Variants in GALK2 observed in about 807,000 individuals in gnomAD.
GALK2 encodes the protein galactokinase 2, also known as N-acetylgalactosamine kinase.
In GALK2, 36 loss-of-function variants were observed where a neutral mutation model predicts 52.4. That is an observed-to-expected ratio of 0.69 (90% confidence interval 0.53 to 0.91). GALK2 has a LOEUF of 0.91. GALK2 is among the 40% of genes least tolerant of loss of function. The probability of loss-of-function intolerance (pLI) is 0.00; values close to 1 mark genes in which losing one functional copy is unlikely to be tolerated. For synonymous variants in GALK2, 176 were observed against 199.1 expected (o/e 0.88, Z 0.98); for missense variants, 579 against 559.1 (o/e 1.04, Z -0.36).
chr15:49,182,164 G>A (rs2086023484), intron 1 of GALK2, among the ~76,000 whole-genome samples: 1 of 151,928 alleles, frequency 6.6e-6, no homozygotes, highest in Admixed American at 6.6e-5. Flanking sequence ...CGCAACCTCT[G>A]GTAACCATCA....
intron 1 of GALK2, among the ~76,000 whole-genome samples, chr15:49,192,345 A>G (rs1485032283): frequency 6.6e-6 from 1 of 151,720 alleles, no homozygotes; most frequent in Non-Finnish European, 1.5e-5. Context: ...TAGAAATGAT[A>G]TTCTTTTAAA....
At chr15:49,338,825 C>A (rs1046757815) in intron 3 of GALK2, among the ~76,000 whole-genome samples, 20 of 152,110 alleles carry the variant, frequency 1.3e-4, no homozygotes, top group African/African-American at 4.8e-4. Context: ...TTGTTCGTTT[C>A]TTTTCATTCT....
At chr15:49,203,617 G>A (rs2087982957) in intron 2 of GALK2, among the ~76,000 whole-genome samples, 1 of 152,094 alleles carries the variant, frequency 6.6e-6, no homozygotes, top group Non-Finnish European at 1.5e-5. Flanking sequence ...ATGTCTTGAA[G>A]TGTTTCCTTT....
chr15:49,226,894 G>A (rs2090164060), intron 3 of GALK2, among the ~76,000 whole-genome samples: 1 of 152,116 alleles, frequency 6.6e-6, no homozygotes, highest in African/African-American at 2.4e-5. Flanking sequence ...AGTATCACAA[G>A]TTCCTCTTTT....
intron 3 of GALK2, among the ~76,000 whole-genome samples, chr15:49,230,748 A>G (rs2090455921): frequency 6.6e-6 from 1 of 152,248 alleles, no homozygotes; most frequent in Non-Finnish European, 1.5e-5. Context: ...TCTTTGAAGA[A>G]CAAGTAAATG....
chr15:49,321,043 A>G (rs1377621703), intron 9 of GALK2, among the ~76,000 whole-genome samples: 1 of 152,194 alleles, frequency 6.6e-6, no homozygotes, highest in Non-Finnish European at 1.5e-5. Flanking sequence ...TGGAGCTTAC[A>G]TTCTCGTGGG....
intron 1 of GALK2, among the ~76,000 whole-genome samples, chr15:49,164,780 CAAAAAAAAAAAAA>C (rs36107125): frequency 4.6e-5 from 3 of 65,182 alleles, no homozygotes; most frequent in Non-Finnish European, 8.6e-5. Context: ...AACTCCGTCT[CAAAAAAAAAAAAA>C]AAAAAAAAAA....
intron 9 of GALK2, among the ~76,000 whole-genome samples, chr15:49,322,632 A>G (rs1489729158): frequency 6.6e-6 from 1 of 152,130 alleles, no homozygotes; most frequent in African/African-American, 2.4e-5. Context: ...GTACCGTGTG[A>G]AATTGCAGTC....
chr15:49,328,463 T>C lies in GALK2; in HGVS notation c.*304T>C. ...GATGAATGGTAAAACACACTCTTAA[T>C]ACTGATTACATGGATTGGACTTGAA... On this transcript the variant is annotated 3_prime_UTR_variant, in exon 10 of 10. Transcript: ENST00000560031. 2 of 1,518,774 alleles carry C rather than the reference T, an allele frequency of 1.3e-6. No individual in the cohort carries two copies. The highest frequency in any genetic ancestry group is 1.8e-4 in the Middle Eastern group (1 of 5,614). The allele number at this position is 1,518,774 out of a possible 1,614,324, so 94.1% of individuals were successfully genotyped here.
At chr15:49,174,750 T>C (rs955619764) in intron 1 of GALK2, among the ~76,000 whole-genome samples, 1 of 152,156 alleles carries the variant, frequency 6.6e-6, no homozygotes, top group African/African-American at 2.4e-5. Context: ...ATATAGTTTC[T>C]AGTTTAACTT....
intron 9 of GALK2, among the ~76,000 whole-genome samples, chr15:49,325,534 A>G (rs956911171): frequency 1.3e-5 from 2 of 152,352 alleles, no homozygotes; most frequent in Non-Finnish European, 1.5e-5. Context: ...CAGAATTTCT[A>G]TGGCATATGC....
intron 3 of GALK2, chr15:49,235,628 A>G: frequency 3.0e-6 from 2 of 676,782 alleles, no homozygotes; most frequent in Non-Finnish European, 5.4e-6. Context: ...GTTTCAGGAA[A>G]TAAAAAGGGT....
chr15:49,365,896 G>T, intron 3 of GALK2: 1 of 960,072 alleles, frequency 1.0e-6, no homozygotes, highest in Non-Finnish European at 1.7e-6. Flanking sequence ...TGCAGCAAGA[G>T]AGTTGTACAG....
chr15:49,216,441 G>A (rs2089379781), intron 2 of GALK2, among the ~76,000 whole-genome samples: 1 of 152,164 alleles, frequency 6.6e-6, no homozygotes, highest in South Asian at 2.1e-4. Flanking sequence ...TTAAGCTAAA[G>A]GAATCTCTCC....
At chr15:49,238,026 G>T (rs2090918024) in intron 4 of GALK2, among the ~76,000 whole-genome samples, 1 of 152,292 alleles carries the variant, frequency 6.6e-6, no homozygotes, top group East Asian at 1.9e-4. Flanking sequence ...AATTTTGCTA[G>T]CTAGGACAGA....
chr15:49,362,468 G>A (rs1164170903), intron 3 of GALK2, among the ~76,000 whole-genome samples: 2 of 151,974 alleles, frequency 1.3e-5, no homozygotes, highest in Admixed American at 6.6e-5. Context: ...GGTTCAGGTA[G>A]TTCTTTATAG....
At position 49,198,107 on chromosome 15, in the gene GALK2, TACTA is replaced by T. The variant is rs568951695; in HGVS notation, c.54-3050_54-3047del. ...TTAAAATTACCCAGTGCACTAACAT[TACTA>T]ACTATCCTGACACAAGCTAAACACT... On this transcript the variant is annotated intron_variant, in intron 1 of 9. Transcript: ENST00000560031. Among the ~76,000 whole-genome samples, 101 of 152,276 alleles carry T rather than the reference TACTA, an allele frequency of 6.6e-4. 1 individual carries two copies. The highest frequency in any genetic ancestry group is 3.4e-3 in the Middle Eastern group (1 of 294).
intron 1 of GALK2, among the ~76,000 whole-genome samples, chr15:49,181,759 T>C (rs1429621336): frequency 1.3e-5 from 2 of 152,118 alleles, no homozygotes; most frequent in East Asian, 3.9e-4. Context: ...TTGAAAAAAG[T>C]ACTGTATATT....
chr15:49,314,123 T>A (rs11857515), intron 8 of GALK2, among the ~76,000 whole-genome samples: 22,309 of 152,274 alleles, frequency 0.15, 2,061 homozygotes, highest in Non-Finnish European at 0.2. Flanking sequence ...CTGATTTAGA[T>A]TCCTTGATTA....
Sources: allele counts gnomAD v4.1 joint callset (sites outside exome capture counted in the v4.1 genomes callset), GRCh38; gene constraint gnomAD v4.1.1; transcripts MANE v1.5; gene names NCBI Gene and HGNC (gene_info 2026-07-23, HGNC 2026-07-21).